The following NRXN3 variants were observed in gnomAD, a reference collection of about 807,000 sequenced individuals.
NRXN3 encodes neurexin 3.
In NRXN3, 32 loss-of-function variants were observed where a neutral mutation model predicts 137.6. The observed-to-expected ratio is 0.23, with a 90% CI of 0.18 to 0.31. The LOEUF (loss-of-function observed/expected upper bound fraction) is 0.31. Ranked by LOEUF, NRXN3 falls within the 10% of genes least tolerant of loss-of-function variation. The pLI, the probability that NRXN3 is intolerant of heterozygous loss-of-function variation, is 1.00. For missense variants in NRXN3, 1,574 were observed against 2,062.5 expected (o/e 0.76, Z 4.59); for synonymous variants, 798 against 784.5 (o/e 1.02, Z -0.29).
At chr14:78,776,186 A>G (rs1175228913) in intron 8 of NRXN3, among the ~76,000 whole-genome samples, 1 of 152,240 alleles carries the variant, frequency 6.6e-6, no homozygotes, top group Non-Finnish European at 1.5e-5. Flanking sequence ...ATGTATACAT[A>G]TAATGATAGC....
chr14:79,663,749 A>C (rs1233363660), intron 16 of NRXN3, 29 bp from the exon 17 acceptor site: 1 of 1,604,380 alleles, frequency 6.2e-7, no homozygotes, highest in Admixed American at 1.7e-5. Context: ...GTTGGTGATA[A>C]CTATGCCTTT....
chr14:78,865,729 CAA>C (rs141150193), intron 10 of NRXN3, among the ~76,000 whole-genome samples: 6,251 of 152,128 alleles, frequency 0.041, 427 homozygotes, highest in African/African-American at 0.14. Context: ...TGGAATTAAA[CAA>C]AAGAGACCAT....
chr14:78,355,698 G>T (rs140540867), intron 4 of NRXN3, among the ~76,000 whole-genome samples: 2 of 152,324 alleles, frequency 1.3e-5, no homozygotes, highest in African/African-American at 4.8e-5. Flanking sequence ...GGGATTACAG[G>T]CATTAGCCAC....
chr14:78,217,334 T>C (rs1257880940), intron 1 of NRXN3, among the ~76,000 whole-genome samples: 1 of 152,210 alleles, frequency 6.6e-6, no homozygotes, highest in Non-Finnish European at 1.5e-5. Flanking sequence ...AACCATCTTC[T>C]CACTTACATT....
intron 4 of NRXN3, among the ~76,000 whole-genome samples, chr14:78,453,911 A>G (rs1482000662): frequency 1.3e-5 from 2 of 152,194 alleles, no homozygotes; most frequent in Non-Finnish European, 2.9e-5. Context: ...CTCGGAAATA[A>G]CCAGCTCTGA....
chr14:78,512,055 T>A (rs536911997), intron 4 of NRXN3, among the ~76,000 whole-genome samples: 1 of 152,170 alleles, frequency 6.6e-6, no homozygotes, highest in Non-Finnish European at 1.5e-5. Flanking sequence ...ATATCCCAAA[T>A]TTTTTAAATG....
chr14:79,811,581 C>CTTTTTTTTTTTTTTT (rs370942970), intron 20 of NRXN3, among the ~76,000 whole-genome samples: 115 of 116,586 alleles, frequency 9.9e-4, no homozygotes, highest in Non-Finnish European at 1.4e-3. Flanking sequence ...TTTCTTTTTT[C>CTTTTTTTTTTTTTTT]TTTTTTTTTT....
intron 15 of NRXN3, among the ~76,000 whole-genome samples, chr14:79,375,085 G>A (rs1291633754): frequency 6.6e-6 from 1 of 152,090 alleles, no homozygotes; most frequent in East Asian, 1.9e-4. Flanking sequence ...AAAAATGGAT[G>A]TGAGCTCATT....
intron 4 of NRXN3, among the ~76,000 whole-genome samples, chr14:78,334,890 G>A (rs1395318987): frequency 6.6e-6 from 1 of 152,102 alleles, no homozygotes; most frequent in African/African-American, 2.4e-5. Flanking sequence ...AGGGCTGGAC[G>A]GAGCAGTGGA....
At chr14:79,379,322 G>A (rs745357166) in intron 15 of NRXN3, among the ~76,000 whole-genome samples, 1 of 152,118 alleles carries the variant, frequency 6.6e-6, no homozygotes, top group African/African-American at 2.4e-5. Context: ...ATGGTGGGAT[G>A]AGTCTCCTGC....
At chr14:79,176,444 C>A (rs1315346623) in intron 15 of NRXN3, among the ~76,000 whole-genome samples, 1 of 152,136 alleles carries the variant, frequency 6.6e-6, no homozygotes, top group East Asian at 1.9e-4. Flanking sequence ...ATAGGTGATC[C>A]CCCAGCTACA....
chr14:79,014,605 T>C (rs976581173), intron 15 of NRXN3, among the ~76,000 whole-genome samples: 1 of 152,200 alleles, frequency 6.6e-6, no homozygotes, highest in Non-Finnish European at 1.5e-5. Flanking sequence ...TTTATATTTC[T>C]TTCAGTATAT....
At chr14:78,315,593 A>G (rs1401189060) in intron 4 of NRXN3, among the ~76,000 whole-genome samples, 1 of 152,210 alleles carries the variant, frequency 6.6e-6, no homozygotes, top group Non-Finnish European at 1.5e-5. Flanking sequence ...TCTATTTGTT[A>G]TACGTAGATT....
chr14:79,531,979 T>C (rs917884210), intron 16 of NRXN3, among the ~76,000 whole-genome samples: 1 of 152,236 alleles, frequency 6.6e-6, no homozygotes, highest in Non-Finnish European at 1.5e-5. Flanking sequence ...TTCACCTTTA[T>C]TGCTGTTAGA....
At chr14:78,784,328 GTT>G (rs2098781600) in intron 8 of NRXN3, among the ~76,000 whole-genome samples, 1 of 152,180 alleles carries the variant, frequency 6.6e-6, no homozygotes, top group Non-Finnish European at 1.5e-5. Flanking sequence ...AAATTAGTAT[GTT>G]TGTGTTTAAG....
At chr14:79,376,265 TAC>T (rs1482470466) in intron 15 of NRXN3, among the ~76,000 whole-genome samples, 43 of 72,706 alleles carry the variant, frequency 5.9e-4, no homozygotes, top group African/African-American at 1.4e-3. Context: ...TATATATATA[TAC>T]ACATACATAT....
At chr14:78,502,161 G>C (rs926196153) in intron 4 of NRXN3, among the ~76,000 whole-genome samples, 4 of 152,036 alleles carry the variant, frequency 2.6e-5, no homozygotes, top group Non-Finnish European at 5.9e-5. Context: ...TGAGAGGCCT[G>C]TCCATCTCCT....
At chr14:78,811,770 G>C (rs1267713785) in intron 10 of NRXN3, among the ~76,000 whole-genome samples, 1 of 152,036 alleles carries the variant, frequency 6.6e-6, no homozygotes, top group East Asian at 1.9e-4. Context: ...TTCCATCTAA[G>C]TTAACACAAA....
chr14:79,781,192 C>T (rs567654923), intron 19 of NRXN3, among the ~76,000 whole-genome samples: 1 of 152,192 alleles, frequency 6.6e-6, no homozygotes, highest in East Asian at 1.9e-4. Flanking sequence ...TTCAGTCTTT[C>T]CGCTTATCTA....
Sources: allele counts gnomAD v4.1 joint callset (sites outside exome capture counted in the v4.1 genomes callset), GRCh38; gene constraint gnomAD v4.1.1; transcripts MANE v1.5; gene names NCBI Gene and HGNC (gene_info 2026-07-23, HGNC 2026-07-21).